The following ENOX1 variants were observed in gnomAD, a reference collection of about 807,000 sequenced individuals.
The protein encoded by ENOX1 is candidate growth-related and time keeping constitutive hydroquinone (NADH) oxidase.
In ENOX1, 42 loss-of-function variants were observed where a neutral mutation model predicts 82.5. The observed-to-expected ratio is 0.51, with a 90% CI of 0.40 to 0.66. The LOEUF (loss-of-function observed/expected upper bound fraction) is 0.66. ENOX1 is among the 30% of genes least tolerant of loss of function. The pLI, the probability that ENOX1 is intolerant of heterozygous loss-of-function variation, is 0.00. For synonymous variants in ENOX1, 271 were observed against 282.2 expected (o/e 0.96, Z 0.40); for missense variants, 608 against 811.6 (o/e 0.75, Z 3.05).
chr13:43,221,056 C>T (rs2041760953), intron 16 of ENOX1, among the ~76,000 whole-genome samples: 1 of 152,164 alleles, frequency 6.6e-6, no homozygotes, highest in African/African-American at 2.4e-5. Flanking sequence ...TAACACATGC[C>T]CATGACCTCT....
chr13:43,731,796 T>C (rs2089364436), intron 1 of ENOX1, among the ~76,000 whole-genome samples: 1 of 152,218 alleles, frequency 6.6e-6, no homozygotes. Flanking sequence ...TCTGAGTAAA[T>C]GCAATCAGCA....
chr13:43,648,105 G>C (rs1594251724), intron 2 of ENOX1, among the ~76,000 whole-genome samples: 1 of 152,234 alleles, frequency 6.6e-6, no homozygotes, highest in African/African-American at 2.4e-5. Context: ...ATACATCTGT[G>C]TTGTTCAAGC....
At chr13:43,286,126 T>C (rs1044714831) in intron 12 of ENOX1, among the ~76,000 whole-genome samples, 2 of 152,098 alleles carry the variant, frequency 1.3e-5, no homozygotes, top group Non-Finnish European at 2.9e-5. Context: ...AGGGCTTCAG[T>C]GTGAATGAGT....
At chr13:43,357,645 T>C (rs1364591792) in intron 7 of ENOX1, among the ~76,000 whole-genome samples, 1 of 152,176 alleles carries the variant, frequency 6.6e-6, no homozygotes, top group Non-Finnish European at 1.5e-5. Context: ...CTATCCCAAC[T>C]GGCCAAGCAC....
chr13:43,750,180 G>T (rs1055489474), intron 1 of ENOX1, among the ~76,000 whole-genome samples: 1 of 152,132 alleles, frequency 6.6e-6, no homozygotes, highest in Non-Finnish European at 1.5e-5. Context: ...CCAGGAGGAA[G>T]AAAAAACAGG....
chr13:43,481,454 A>G (rs1293607321), intron 3 of ENOX1, among the ~76,000 whole-genome samples: 1 of 152,182 alleles, frequency 6.6e-6, no homozygotes, highest in African/African-American at 2.4e-5. Context: ...AAAACTGTAT[A>G]TCCACATGCC....
intron 2 of ENOX1, among the ~76,000 whole-genome samples, chr13:43,637,877 T>C (rs1162147874): frequency 6.6e-6 from 1 of 152,162 alleles, no homozygotes; most frequent in Non-Finnish European, 1.5e-5. Flanking sequence ...TGGGTTTAAT[T>C]TGAAATCCAT....
At chr13:43,278,788 G>A (rs576739851) in intron 12 of ENOX1, among the ~76,000 whole-genome samples, 159 of 152,214 alleles carry the variant, frequency 1.0e-3, no homozygotes, top group African/African-American at 3.6e-3. Flanking sequence ...GTAAAGTAAA[G>A]AAAACTATTG....
chr13:43,693,123 G>A (rs924777874), intron 1 of ENOX1, among the ~76,000 whole-genome samples: 3 of 152,006 alleles, frequency 2.0e-5, no homozygotes, highest in African/African-American at 7.2e-5. Flanking sequence ...AAACTTAGAA[G>A]GATATTTCTC....
chr13:43,424,089 C>T (rs979623945), intron 3 of ENOX1, among the ~76,000 whole-genome samples: 42 of 152,178 alleles, frequency 2.8e-4, no homozygotes, highest in Admixed American at 2.7e-3. Flanking sequence ...ATAAACCATA[C>T]ACATGGCAAC....
At chr13:43,660,736 G>A (rs998511659) in intron 2 of ENOX1, among the ~76,000 whole-genome samples, 3 of 152,076 alleles carry the variant, frequency 2.0e-5, no homozygotes, top group Non-Finnish European at 4.4e-5. Flanking sequence ...ATGGTAAAAG[G>A]CAAACTCACT....
intron 9 of ENOX1, among the ~76,000 whole-genome samples, chr13:43,335,402 T>C (rs2048639938): frequency 1.3e-5 from 2 of 152,342 alleles, no homozygotes; most frequent in East Asian, 3.9e-4. Flanking sequence ...GTGTCTTGGC[T>C]TTAAAAAATC....
At chr13:43,395,383 G>A (rs966565297) in intron 5 of ENOX1, among the ~76,000 whole-genome samples, 3 of 152,142 alleles carry the variant, frequency 2.0e-5, no homozygotes, top group South Asian at 2.1e-4. Flanking sequence ...AAGTGTGGTC[G>A]TGTGTGTTTG....
chr13:43,452,315 CCT>C (rs2153631559), intron 3 of ENOX1, among the ~76,000 whole-genome samples: 1 of 152,202 alleles, frequency 6.6e-6, no homozygotes, highest in South Asian at 2.1e-4. Flanking sequence ...TATTCCCCTC[CCT>C]GTGTCCATGT....
intron 3 of ENOX1, chr13:43,459,380 C>T (rs1482730232): frequency 6.6e-6 from 1 of 152,194 alleles, no homozygotes; most frequent in Non-Finnish European, 1.5e-5. Context: ...TAAGTTAATC[C>T]TTAGGTTGCA....
Position 43,707,594 on chromosome 13 carries a change from G to A in ENOX1, c.-284-40050C>T, listed in dbSNP as rs192554331. 4.9e-4 allele frequency among the ~76,000 whole-genome samples: 75 copies of A among 151,890 alleles called. No individual in the cohort carries two copies. The East Asian group carries it at 0.012, about 25-fold the overall frequency. ...CTAAAAGTACAAAAATTAGCTGGGC[G>A]TGGTGGTGCTCGCCTGTAGTCCCAG... On this transcript the variant is annotated intron_variant, in intron 1 of 16. Transcript: ENST00000690772.
At chr13:43,623,128 G>A (rs182806114) in intron 2 of ENOX1, among the ~76,000 whole-genome samples, 393 of 152,154 alleles carry the variant, frequency 2.6e-3, no homozygotes, top group East Asian at 0.011. Context: ...ACAGCCCCAC[G>A]TCTGTTTCCA....
At chr13:43,457,289 C>A (rs1397948536) in intron 3 of ENOX1, among the ~76,000 whole-genome samples, 1 of 152,204 alleles carries the variant, frequency 6.6e-6, no homozygotes, top group Non-Finnish European at 1.5e-5. Flanking sequence ...CACCTCACAA[C>A]TACTGTTAAG....
At chr13:43,486,091 T>A (rs1014253022) in intron 2 of ENOX1, among the ~76,000 whole-genome samples, 1 of 152,184 alleles carries the variant, frequency 6.6e-6, no homozygotes, top group African/African-American at 2.4e-5. Context: ...GTGCCTGTAG[T>A]CCCAGCTCCT....
Sources: allele counts gnomAD v4.1 joint callset (sites outside exome capture counted in the v4.1 genomes callset), GRCh38; gene constraint gnomAD v4.1.1; transcripts MANE v1.5; gene names NCBI Gene and HGNC (gene_info 2026-07-23, HGNC 2026-07-21).